Variants in PDE7B observed in about 807,000 individuals in gnomAD.
PDE7B encodes 3',5'-cyclic-AMP phosphodiesterase 7B.
A neutral mutation model predicts 56.2 loss-of-function variants in PDE7B; 29 were observed. That is an observed-to-expected ratio of 0.52 (90% CI 0.38 to 0.70). The LOEUF (loss-of-function observed/expected upper bound fraction) is 0.70, where lower values mean the gene tolerates loss of function less well. PDE7B is among the 30% of genes least tolerant of loss of function. The pLI is 0.00. For synonymous variants in PDE7B, 197 were observed against 196.9 expected (o/e 1.00, Z 0.00); for missense variants, 490 against 565.0 (o/e 0.87, Z 1.35).
At position 135,956,206 on chromosome 6, in the gene PDE7B, A is replaced by G. The variant is rs6905804; in HGVS notation, c.82+8682A>G. ...GATTGTACCTTAGCCATCTTAGCCT[A>G]ACTAGGTAGGAGACTAAAATAGAGT... On this transcript the variant is annotated intron_variant, in intron 2 of 12. Transcript: ENST00000308191. Among the ~76,000 whole-genome samples, 608 of 152,342 alleles carry G rather than the reference A, an allele frequency of 4.0e-3. 6 individuals are homozygous for G. Among genetic ancestry groups the G allele is most frequent in the African/African-American group, 0.013 (553 of 41,582 alleles).
rs541663469 is a variant in PDE7B at position 135,950,595 on chromosome 6, T to C, written c.82+3071T>C. Among the ~76,000 whole-genome samples, 4 of 152,262 alleles carry C rather than the reference T, an allele frequency of 2.6e-5. No homozygotes were observed. In the East Asian group the frequency reaches 7.7e-4, roughly 29 times the overall value. ...AACCTGAGACATCCTCATCTTTAAC[T>C]GGTCAAGCCCTTGGCTCACTCCCCT... On this transcript the variant is annotated intron_variant, in intron 2 of 12. Transcript: ENST00000308191.
At chr6:136,121,110 C>T (rs1777926491) in intron 3 of PDE7B, among the ~76,000 whole-genome samples, 1 of 152,168 alleles carries the variant, frequency 6.6e-6, no homozygotes, top group Non-Finnish European at 1.5e-5. Flanking sequence ...GGCCCTGGCA[C>T]ACCCACCCCA....
At chr6:136,128,960 C>T (rs987009325) in intron 3 of PDE7B, among the ~76,000 whole-genome samples, 6 of 152,134 alleles carry the variant, frequency 3.9e-5, no homozygotes, top group Non-Finnish European at 8.8e-5. Flanking sequence ...TTCCTTCTGC[C>T]CCCTTCCATC....
chr6:135,926,070 G>GT (rs1446140251), intron 1 of PDE7B, among the ~76,000 whole-genome samples: 1 of 104,722 alleles, frequency 9.5e-6, no homozygotes, highest in East Asian at 3.1e-4. Context: ...GCATGCTTCT[G>GT]TTTTTTCTTT....
At chr6:136,054,929 G>A (rs894299572) in intron 2 of PDE7B, among the ~76,000 whole-genome samples, 1 of 152,128 alleles carries the variant, frequency 6.6e-6, no homozygotes, top group Admixed American at 6.5e-5. Flanking sequence ...ATCACGAGAA[G>A]AACACAGGAA....
rs149544570 is a variant in PDE7B, at chr6:136,033,435, C to A, written c.83-75296C>A. On this transcript the variant is annotated intron_variant, in intron 2 of 12. Coordinates refer to ENST00000308191, the MANE Select transcript of PDE7B (RefSeq NM_018945.4). ...CTCACACTGAAAACCAGAATTAGGG[C>A]ACAAGAGGCCGGGCAGGTCCCCAGT... Among the ~76,000 whole-genome samples, 443 of 152,264 alleles carry A rather than the reference C, an allele frequency of 2.9e-3. 4 individuals are homozygous for A. The highest frequency in any genetic ancestry group is 0.01 in the African/African-American group (416 of 41,552).
chr6:136,116,308 G>A (rs1304537734), intron 3 of PDE7B, among the ~76,000 whole-genome samples: 1 of 152,218 alleles, frequency 6.6e-6, no homozygotes, highest in African/African-American at 2.4e-5. Flanking sequence ...TAACTAGAGA[G>A]AAAGGCTTGG....
At chr6:135,988,690 G>A (rs1019248231) in intron 2 of PDE7B, among the ~76,000 whole-genome samples, 2 of 152,208 alleles carry the variant, frequency 1.3e-5, no homozygotes, top group Non-Finnish European at 2.9e-5. Context: ...TTCTGATCAA[G>A]TGGGTAAAAG....
chr6:136,174,840 C>A (rs1341324887), intron 9 of PDE7B, among the ~76,000 whole-genome samples: 2 of 152,062 alleles, frequency 1.3e-5, no homozygotes, highest in African/African-American at 4.8e-5. Context: ...TAAATAAAAC[C>A]AGTTCTCGTG....
intron 1 of PDE7B, among the ~76,000 whole-genome samples, chr6:135,893,591 G>A (rs1332667057): frequency 6.6e-6 from 1 of 152,016 alleles, no homozygotes; most frequent in Non-Finnish European, 1.5e-5. Context: ...CAACCATTGT[G>A]GAAGTCAGTG....
Position 136,108,750 on chromosome 6 carries a change from T to A in PDE7B, c.102T>A (p.Gly34=). 6.2e-7 allele frequency: 1 copy of A among 1,610,432 alleles called. No homozygotes were observed. Among genetic ancestry groups the A allele is most frequent in the South Asian group, 1.1e-5 (1 of 90,978 alleles). The change falls in exon 3 of 13, where the codon GGT becomes GGA. Residue 34 remains glycine, a synonymous_variant. Transcript: ENST00000308191. The stretch of plus-strand genomic sequence containing the variant: ...TTCTAGGAGATATACGACTAAGGGG[T>A]CAGACGGGGGTTCGTGCTGAACGCC... The part of the protein sequence containing the change: ...VCMLGDIRLR[G]QTGVRAERRG...
chr6:136,041,798 G>A (rs1776419535), intron 2 of PDE7B, among the ~76,000 whole-genome samples: 1 of 152,146 alleles, frequency 6.6e-6, no homozygotes. Context: ...TAATTATCTA[G>A]TTAACCCCTG....
At chr6:136,163,540 A>G (rs939354479) in intron 8 of PDE7B, among the ~76,000 whole-genome samples, 12 of 152,094 alleles carry the variant, frequency 7.9e-5, no homozygotes, top group Non-Finnish European at 2.9e-5. Flanking sequence ...GGAGACATTT[A>G]CCCCATTGTC....
At chr6:135,934,837 ATATATT>A (rs1774373368) in intron 1 of PDE7B, among the ~76,000 whole-genome samples, 1 of 116,692 alleles carries the variant, frequency 8.6e-6, no homozygotes, top group Non-Finnish European at 1.7e-5. Flanking sequence ...AAATAAATAT[ATATATT>A]TATTTAAATA....
chr6:136,076,933 G>C, intron 2 of PDE7B, among the ~76,000 whole-genome samples: 1 of 152,090 alleles, frequency 6.6e-6, no homozygotes, highest in Non-Finnish European at 1.5e-5. Context: ...ATTTGTTCAG[G>C]GGTCCCTGAA....
At chr6:136,005,884 T>A (rs1193858965) in intron 2 of PDE7B, among the ~76,000 whole-genome samples, 2 of 152,138 alleles carry the variant, frequency 1.3e-5, no homozygotes, top group Admixed American at 6.5e-5. Context: ...TAAATCATAC[T>A]GCTATAAAGA....
chr6:136,082,204 G>A (rs577589328), intron 2 of PDE7B, among the ~76,000 whole-genome samples: 2 of 152,312 alleles, frequency 1.3e-5, no homozygotes, highest in Admixed American at 6.5e-5. Flanking sequence ...GTCACACACA[G>A]GCCTTAGGTG....
chr6:135,998,985 A>T (rs1419305332), intron 2 of PDE7B, among the ~76,000 whole-genome samples: 1 of 152,060 alleles, frequency 6.6e-6, no homozygotes, highest in Non-Finnish European at 1.5e-5. Flanking sequence ...TAATTTTGCT[A>T]ATATAATATA....
chr6:136,097,255 A>AT (rs1274383903), intron 2 of PDE7B, among the ~76,000 whole-genome samples: 2 of 152,098 alleles, frequency 1.3e-5, no homozygotes, highest in African/African-American at 2.4e-5. Context: ...GTTACTTGAC[A>AT]TTTTTGCTTT....
Sources: allele counts gnomAD v4.1 joint callset (sites outside exome capture counted in the v4.1 genomes callset), GRCh38; gene constraint gnomAD v4.1.1; transcripts MANE v1.5; gene names NCBI Gene and HGNC (gene_info 2026-07-23, HGNC 2026-07-21).